A2M: variants seen among roughly 807,000 people sequenced by gnomAD.
The protein encoded by A2M is C3 and PZP-like alpha-2-macroglobulin domain-containing protein 5.
In A2M, 128 loss-of-function variants were observed where a neutral mutation model predicts 183.9. The observed-to-expected ratio is 0.70, with a 90% CI of 0.60 to 0.81. The LOEUF is 0.81. Ranked by LOEUF, A2M falls within the 30% of genes least tolerant of loss-of-function variation. The pLI is 0.00. For missense variants in A2M, 1,495 were observed against 1,787.6 expected (o/e 0.84, Z 2.95); for synonymous variants, 592 against 670.8 (o/e 0.88, Z 1.81).
At chr12:9,094,325 G>GA (rs1036119909) in intron 17 of A2M, among the ~76,000 whole-genome samples, 4 of 94,382 alleles carry the variant, frequency 4.2e-5, no homozygotes, top group East Asian at 3.6e-4. Context: ...CAGCTCTCTG[G>GA]AAAAAAAAAT....
intron 7 of A2M, 33 bp downstream of exon 7, chr12:9,109,287 TC>T: frequency 1.3e-6 from 2 of 1,521,080 alleles, no homozygotes; most frequent in South Asian, 1.1e-5. Flanking sequence ...TTTTAAATAA[TC>T]CCCCACAAAA....
chr12:9,073,051 A>C (rs1463086985), intron 29 of A2M, among the ~76,000 whole-genome samples, 180 bp from the exon 30 acceptor site: 4 of 152,218 alleles, frequency 2.6e-5, no homozygotes, highest in Admixed American at 2.6e-4. Context: ...CATAACATTC[A>C]CATATCTACC....
At chr12:9,110,362 A>T in intron 4 of A2M, 28 bp from the exon 5 acceptor site, 1 of 1,350,508 alleles carries the variant, frequency 7.4e-7, no homozygotes, top group African/African-American at 1.5e-5. Flanking sequence ...AAAGAAGTTT[A>T]TAATTATTTT....
At position 9,074,540 on chromosome 12, in the gene A2M, G is replaced by A; in HGVS notation, c.3756+20C>T. The A allele has an allele frequency of 1.3e-6, 2 of 1,585,694 alleles. No individual in the cohort carries two copies. Among genetic ancestry groups the A allele is most frequent in the Non-Finnish European group, 1.7e-6 (2 of 1,163,850 alleles). ...TTTGCTACCTGAAGGTGAAATAAAA[G>A]GTTTTGGCAAATCACCAACCTGGGT... On this transcript the variant is annotated intron_variant, in intron 29 of 35. Coordinates refer to ENST00000318602, the MANE Select transcript of A2M (RefSeq NM_000014.6).
chr12:9,100,626 A>G (rs1032805126), intron 13 of A2M, among the ~76,000 whole-genome samples: 3 of 152,186 alleles, frequency 2.0e-5, no homozygotes, highest in African/African-American at 7.2e-5. Flanking sequence ...GAAAAAAAAG[A>G]CAACACATAT....
chr12:9,089,361 A>G (rs1256548910), intron 21 of A2M, 110 bp from the exon 22 acceptor site: 2 of 801,694 alleles, frequency 2.5e-6, no homozygotes, highest in African/African-American at 1.7e-5. Context: ...TTTGAACTGT[A>G]TTATCTAAGA....
At position 9,098,638 on chromosome 12, in the gene A2M, A is replaced by G. The variant is rs751748003; in HGVS notation, c.1820T>C (p.Met607Thr). The change falls in exon 15 of 36, where the codon ATG becomes ACG. Residue 607 changes from methionine (M) to threonine (T), a missense_variant. Coordinates refer to ENST00000318602, the MANE Select transcript of A2M (RefSeq NM_000014.6). ...LRAVDQSVLL[M>T]KPDAELSASS... ...CGCCGAGAGCTCAGCATCAGGCTTC[A>G]TGAGCAGCACGCTTTGGTCCACAGC... 3.0e-5 allele frequency: 49 copies of G among 1,608,568 alleles called. No homozygotes were observed. The South Asian group carries it at 5.3e-4, about 17-fold the overall frequency.
Position 9,099,456 on chromosome 12 carries a change from G to A in A2M, c.1626C>T (p.Ile542=), listed in dbSNP as rs771972970. ...SDIAPVARLL[I]YAVLPTGDVI... is the part of the protein sequence containing the mutation. ...CGTCCCCGGTAGGTAAAACAGCATA[G>A]ATGAGCAACCGAGCGACAGGAGCAA... Residue 542 remains isoleucine, a synonymous_variant, in exon 14 of 36, where the codon ATC becomes ATT. Transcript: ENST00000318602. The A allele has an allele frequency of 1.4e-5, 22 of 1,607,234 alleles. No homozygotes were observed. The highest frequency in any genetic ancestry group is 1.9e-5 in the Non-Finnish European group (22 of 1,176,758).
At chr12:9,080,986 T>C (rs1431466520) in intron 22 of A2M, among the ~76,000 whole-genome samples, 3 of 152,186 alleles carry the variant, frequency 2.0e-5, no homozygotes, top group Non-Finnish European at 4.4e-5. Flanking sequence ...ACAATTTTAG[T>C]ATTGGTGAAT....
In A2M at chr12:9,074,570, G is replaced by T; in HGVS notation, c.3746C>A (p.Ser1249Tyr). Reference sequence around the variant, plus strand: ...TGGCAAATCACCAACCTGGGTGGAGGAGAAACCGCCCTGGGCATTCTGCTG... The same window carrying T: ...TGGCAAATCACCAACCTGGGTGGAGTAGAAACCGCCCTGGGCATTCTGCTG... ...TKQQNAQGGF[S>Y]STQDTVVALH... The change falls in exon 29 of 36, where the codon TCC (serine) becomes TAC (tyrosine). Residue 1249 changes from serine to tyrosine, a missense_variant. Coordinates refer to ENST00000318602, the MANE Select transcript of A2M (RefSeq NM_000014.6). 1 of 1,610,450 alleles carries T rather than the reference G, an allele frequency of 6.2e-7. No individual in the cohort carries two copies. The highest frequency in any genetic ancestry group is 8.5e-7 in the Non-Finnish European group (1 of 1,178,236).
At chr12:9,112,054 A>T in intron 4 of A2M, 105 bp downstream of exon 4, 1 of 1,049,706 alleles carries the variant, frequency 9.5e-7, no homozygotes, top group Non-Finnish European at 1.5e-6. Context: ...AGTTACTGTT[A>T]ATGATACCAG....
chr12:9,079,144 A>T, intron 25 of A2M, 100 bp downstream of exon 25: 1 of 912,562 alleles, frequency 1.1e-6, no homozygotes. Flanking sequence ...CATCGGTCTG[A>T]TAATACATAT....
In A2M at chr12:9,083,229, G is replaced by A. The variant is rs377423147; in HGVS notation, c.2771-3052C>T. 2.8e-4 allele frequency among the ~76,000 whole-genome samples: 43 copies of A among 152,110 alleles called. No individual in the cohort carries two copies. In the East Asian group the frequency reaches 6.6e-3, roughly 23 times the overall value. On this transcript the variant is annotated intron_variant, in intron 22 of 35. Transcript: ENST00000318602. Reference sequence around the variant, plus strand: ...CACAGGAAGGGGAACATCACACACCGGGGCCTGTTGTGGGGTGAGGGGATG... The same window carrying A: ...CACAGGAAGGGGAACATCACACACCAGGGCCTGTTGTGGGGTGAGGGGATG...
intron 22 of A2M, among the ~76,000 whole-genome samples, chr12:9,083,005 C>T (rs977780090): frequency 6.6e-6 from 1 of 152,218 alleles, no homozygotes; most frequent in African/African-American, 2.4e-5. Context: ...TTGACTTCCA[C>T]AGTGGTTGAA....
intron 10 of A2M, 74 bp from the exon 11 acceptor site, chr12:9,104,474 T>G: frequency 6.9e-7 from 1 of 1,458,618 alleles, no homozygotes; most frequent in Non-Finnish European, 9.3e-7. Context: ...TTTATCACAT[T>G]TTTTAGTGCC....
chr12:9,110,189 A>G, intron 5 of A2M, 125 bp downstream of exon 5: 1 of 1,109,676 alleles, frequency 9.0e-7, no homozygotes, highest in Admixed American at 2.5e-5. Flanking sequence ...ATCTAGCTCT[A>G]TGGGAGTTTG....
In A2M at chr12:9,080,032, G is replaced by A. The variant is rs1008783593; in HGVS notation, c.2854+62C>T. 5.4e-5 allele frequency: 60 copies of A among 1,102,312 alleles called. No individual in the cohort carries two copies. In the Middle Eastern group the frequency reaches 6.4e-4, roughly 12 times the overall value. The allele number at this position is 1,102,312 out of a possible 1,614,324, so 68.3% of individuals were successfully genotyped here. On this transcript the variant is annotated intron_variant, in intron 23 of 35. Transcript: ENST00000318602. ...TATTATTTTTAGTAAATATTTATGG[G>A]AAATAAAAATAGTATAATAGAAGCT...
chr12:9,099,314 A>T, intron 14 of A2M, 67 bp downstream of exon 14: 1 of 1,475,630 alleles, frequency 6.8e-7, no homozygotes, highest in East Asian at 2.5e-5. Flanking sequence ...CACATGTGTA[A>T]AACAAATGAT....
At chr12:9,093,917 A>AAACG (rs1565592224) in intron 17 of A2M, among the ~76,000 whole-genome samples, 1 of 151,316 alleles carries the variant, frequency 6.6e-6, no homozygotes, top group African/African-American at 2.5e-5. Context: ...ACAAACAAAC[A>AAACG]ACAAAAAAAA....
Sources: allele counts gnomAD v4.1 joint callset (sites outside exome capture counted in the v4.1 genomes callset), GRCh38; gene constraint gnomAD v4.1.1; transcripts MANE v1.5; gene names NCBI Gene and HGNC (gene_info 2026-07-23, HGNC 2026-07-21).